The following MCTP1 variants were observed in gnomAD, a reference collection of about 807,000 sequenced individuals.
MCTP1 encodes multiple C2 and transmembrane domain-containing protein 1.
Under a neutral mutation model 120.6 loss-of-function variants are expected in MCTP1, and 69 were observed. That is an observed-to-expected ratio of 0.57 (90% CI 0.47 to 0.70). The LOEUF (loss-of-function observed/expected upper bound fraction) is 0.70, where lower values mean the gene tolerates loss of function less well. Among genes scored for constraint, MCTP1 ranks in the 30% least tolerant of loss-of-function variants. The pLI, the probability that MCTP1 is intolerant of heterozygous loss-of-function variation, is 0.00. For missense variants in MCTP1, 1,203 were observed against 1,248.8 expected, an observed-to-expected ratio of 0.96 and a Z score of 0.55; for synonymous variants, 529 against 493.1, an observed-to-expected ratio of 1.07 and a Z score of -0.96.
chr5:95,077,518 G>C (rs1753871379), intron 1 of MCTP1, among the ~76,000 whole-genome samples: 1 of 151,746 alleles, frequency 6.6e-6, no homozygotes, highest in Admixed American at 6.6e-5. Flanking sequence ...TGTCGCCCAG[G>C]CTGGAGTGCA....
intron 17 of MCTP1, among the ~76,000 whole-genome samples, chr5:94,808,897 A>G (rs191907739): frequency 2.0e-5 from 3 of 152,334 alleles, no homozygotes. Context: ...ACAAATATAC[A>G]TCAGAAAGTT....
intron 1 of MCTP1, among the ~76,000 whole-genome samples, chr5:95,228,758 C>T (rs1355151802): frequency 3.9e-5 from 6 of 152,094 alleles, no homozygotes; most frequent in Admixed American, 3.3e-4. Context: ...GTGAACAAGT[C>T]CTTGTGAGAT....
At chr5:95,005,993 C>T (rs990652848) in intron 2 of MCTP1, among the ~76,000 whole-genome samples, 2 of 152,084 alleles carry the variant, frequency 1.3e-5, no homozygotes, top group African/African-American at 4.8e-5. Flanking sequence ...CACACACCCC[C>T]ACTCTCACAA....
intron 1 of MCTP1, among the ~76,000 whole-genome samples, chr5:95,065,303 G>T (rs928940320): frequency 6.6e-6 from 1 of 151,570 alleles, no homozygotes; most frequent in African/African-American, 2.4e-5. Flanking sequence ...CATGAAGATT[G>T]CAAGAAAAGA....
chr5:95,189,424 T>C (rs1582480635), intron 1 of MCTP1, among the ~76,000 whole-genome samples: 2 of 152,302 alleles, frequency 1.3e-5, no homozygotes, highest in African/African-American at 4.8e-5. Context: ...AAATCTGTGC[T>C]TTTTATTGTG....
intron 17 of MCTP1, among the ~76,000 whole-genome samples, chr5:94,844,736 T>A (rs1791928654): frequency 6.6e-6 from 1 of 152,216 alleles, no homozygotes; most frequent in Non-Finnish European, 1.5e-5. Flanking sequence ...TTTATATTGA[T>A]GATTTTCTAA....
At chr5:95,201,463 GGTTTTTTTTT>G (rs1751013992) in intron 1 of MCTP1, among the ~76,000 whole-genome samples, 1 of 120,682 alleles carries the variant, frequency 8.3e-6, no homozygotes, top group Non-Finnish European at 1.8e-5. Context: ...AAGGAAAAGT[GGTTTTTTTTT>G]TTTTTTTTTT....
intron 2 of MCTP1, among the ~76,000 whole-genome samples, chr5:94,992,556 A>G (rs552425532): frequency 2.6e-5 from 4 of 152,266 alleles, no homozygotes; most frequent in African/African-American, 4.8e-5. Context: ...TCCAATTCCA[A>G]TCTCAAGCTC....
At chr5:94,725,721 C>G (rs1157826694) in intron 19 of MCTP1, among the ~76,000 whole-genome samples, 5 of 152,194 alleles carry the variant, frequency 3.3e-5, no homozygotes, top group African/African-American at 9.6e-5. Context: ...ATGCTGCTTC[C>G]ATCATTTTCT....
chr5:94,870,320 C>A, intron 16 of MCTP1, 97 bp downstream of exon 16: 1 of 718,232 alleles, frequency 1.4e-6, no homozygotes, highest in Non-Finnish European at 2.3e-6. Context: ...TCCAGTCTTC[C>A]CCCCTCCATA....
rs1279576651 is a variant in MCTP1, at chr5:95,259,337, C to T, written c.720+24519G>A. ...ATGTCAGACGAAAGGTGAACACCAC[C>T]CTTGCCTTGTGTCAAAAGCTTTGGT... On this transcript the variant is annotated intron_variant, in intron 1 of 22. Coordinates refer to ENST00000515393, the MANE Select transcript of MCTP1 (RefSeq NM_024717.7). 2.6e-5 allele frequency among the ~76,000 whole-genome samples: 4 copies of T among 152,290 alleles called. No homozygotes were observed. The East Asian group carries it at 7.7e-4, about 29-fold the overall frequency.
In MCTP1 at chr5:94,912,902, G is replaced by A. The variant is rs1340153527; in HGVS notation, c.1425C>T (p.Thr475=). ...SHLWRGIVSI[T]LIEGRDLKAM... Reference sequence around the variant, plus strand: ...CCTTGAGGTCTCTCCCTTCAATCAAGGTGATGCTGACTATTCCTCTCCAAA... The same window carrying A: ...CCTTGAGGTCTCTCCCTTCAATCAAAGTGATGCTGACTATTCCTCTCCAAA... The change falls in exon 9 of 23, where the codon ACC becomes ACT. Residue 475 remains threonine, a synonymous_variant. Transcript: ENST00000515393. 3 of 1,602,386 alleles carry A rather than the reference G, an allele frequency of 1.9e-6. No individual in the cohort carries two copies. The South Asian group carries it at 3.4e-5, about 18-fold the overall frequency.
intron 2 of MCTP1, among the ~76,000 whole-genome samples, chr5:95,004,949 C>T (rs982649302): frequency 1.3e-5 from 2 of 152,182 alleles, no homozygotes; most frequent in Non-Finnish European, 2.9e-5. Flanking sequence ...CAACAGCTTG[C>T]AACATGTTCC....
At chr5:94,906,360 CT>C (rs1346274854) in intron 10 of MCTP1, among the ~76,000 whole-genome samples, 1 of 152,110 alleles carries the variant, frequency 6.6e-6, no homozygotes, top group Non-Finnish European at 1.5e-5. Context: ...GTGGTGCATG[CT>C]TGTGGTCCCA....
chr5:95,132,795 T>C (rs1759145180), intron 1 of MCTP1, among the ~76,000 whole-genome samples: 1 of 152,254 alleles, frequency 6.6e-6, no homozygotes, highest in Non-Finnish European at 1.5e-5. Flanking sequence ...CATGTATCAC[T>C]GTGCATGGTT....
In MCTP1 at chr5:94,714,856, TTTTA is replaced by T. The variant is rs1561515292; in HGVS notation, c.2637_2640del (p.Asn879LysfsTer16). 1.2e-6 allele frequency: 2 copies of T among 1,612,120 alleles called. No individual in the cohort carries two copies. Among genetic ancestry groups the T allele is most frequent in the Non-Finnish European group, 1.7e-6 (2 of 1,178,338 alleles). On this transcript the variant is annotated frameshift_variant, in exon 20 of 23. Coordinates refer to ENST00000515393, the MANE Select transcript of MCTP1 (RefSeq NM_024717.7). LOFTEE classifies it high-confidence loss of function. The stretch of plus-strand genomic sequence containing the variant: ...ACACATACCTCCTGGATGGCATAGA[TTTTA>T]TTTATAAATCCCTTTTTTTCACTGT...
At chr5:94,827,088 T>G (rs1787305408) in intron 17 of MCTP1, among the ~76,000 whole-genome samples, 1 of 152,160 alleles carries the variant, frequency 6.6e-6, no homozygotes, top group South Asian at 2.1e-4. Flanking sequence ...TTTTGGTTTG[T>G]TTTTGCAGTG....
At chr5:94,961,643 C>T (rs982597291) in intron 2 of MCTP1, among the ~76,000 whole-genome samples, 2 of 152,144 alleles carry the variant, frequency 1.3e-5, no homozygotes, top group African/African-American at 4.8e-5. Context: ...CCTACAGAGT[C>T]TCTGCTGCTG....
rs138154654 is a variant in MCTP1, at chr5:94,770,686, C to T, written c.2610+8424G>A. Reference sequence around the variant, plus strand: ...ACAAAGCTTGACAGGTAGAAACCCACCACCAGCCGGAATCACTAGAAAACT... The same window carrying T: ...ACAAAGCTTGACAGGTAGAAACCCATCACCAGCCGGAATCACTAGAAAACT... On this transcript the variant is annotated intron_variant, in intron 19 of 22. Coordinates refer to ENST00000515393, the MANE Select transcript of MCTP1 (RefSeq NM_024717.7). 6.7e-3 allele frequency among the ~76,000 whole-genome samples: 1,017 copies of T among 152,336 alleles called. 14 individuals are homozygous for T. Among genetic ancestry groups the T allele is most frequent in the African/African-American group, 0.023 (975 of 41,572 alleles).
Sources: allele counts gnomAD v4.1 joint callset (sites outside exome capture counted in the v4.1 genomes callset), GRCh38; gene constraint gnomAD v4.1.1; transcripts MANE v1.5; gene names NCBI Gene and HGNC (gene_info 2026-07-23, HGNC 2026-07-21).